The following SAMMSON variants were observed in gnomAD, a reference collection of about 807,000 sequenced individuals.
SAMMSON encodes the protein survival associated mitochondrial melanoma specific oncogenic non-coding RNA, also known as long intergenic non-protein coding RNA 1212.
chr3:70,048,846 C>T (rs1301420000), intron 3 of SAMMSON, among the ~76,000 whole-genome samples: 3 of 151,998 alleles, frequency 2.0e-5, no homozygotes, highest in Non-Finnish European at 4.4e-5. Context: ...ACGGTTAAAC[C>T]CTACATCTAC....
intron 9 of SAMMSON, among the ~76,000 whole-genome samples, chr3:70,366,492 G>GTTTTTTTTTTTTTTT: frequency 1.1e-4 from 11 of 100,762 alleles, no homozygotes; most frequent in Non-Finnish European, 1.8e-4. Flanking sequence ...GTGTTTTTAT[G>GTTTTTTTTTTTTTTT]TTTTTTTTTT....
In SAMMSON at chr3:70,213,989, A is replaced by G. The variant is rs1384662291; in HGVS notation, n.508-35118A>G. Among the ~76,000 whole-genome samples the G allele has an allele frequency of 2.0e-5, 3 of 152,142 alleles. No individual in the cohort carries two copies. The South Asian group carries it at 6.2e-4, about 31-fold the overall frequency. On this transcript the variant is annotated intron_variant and non_coding_transcript_variant, in intron 4 of 9. Coordinates refer to ENST00000642114, the Ensembl canonical transcript of SAMMSON. Reference sequence around the variant, plus strand: ...ACCCAAAGAAGCTATGTTTTCAAGAAAAAATATATTTTCTTCTTTGAAAGC... The same window carrying G: ...ACCCAAAGAAGCTATGTTTTCAAGAGAAAATATATTTTCTTCTTTGAAAGC...
At chr3:70,334,467 G>A (rs183952976) in intron 7 of SAMMSON, among the ~76,000 whole-genome samples, 8 of 152,018 alleles carry the variant, frequency 5.3e-5, no homozygotes, top group African/African-American at 1.7e-4. Context: ...TCAAAATTAT[G>A]TTTCACTAGT....
chr3:70,354,789 G>A (rs941684051), intron 8 of SAMMSON, among the ~76,000 whole-genome samples: 13 of 152,130 alleles, frequency 8.5e-5, no homozygotes, highest in Middle Eastern at 3.2e-3. Flanking sequence ...ATACATTCTC[G>A]GATGCTTTCA....
chr3:70,111,346 T>TAATGATTTATAAA (rs2067388504), intron 4 of SAMMSON, among the ~76,000 whole-genome samples: 2 of 152,190 alleles, frequency 1.3e-5, no homozygotes, highest in Non-Finnish European at 2.9e-5. Context: ...ATACTGGGAA[T>TAATGATTTATAAA]CATCCAGAAT....
chr3:70,078,756 G>A (rs2067257659), intron 4 of SAMMSON, among the ~76,000 whole-genome samples: 1 of 152,136 alleles, frequency 6.6e-6, no homozygotes, highest in Non-Finnish European at 1.5e-5. Context: ...AGGCACCCAT[G>A]GCACAAAACT....
chr3:70,226,920 T>C (rs1250766334), intron 4 of SAMMSON, among the ~76,000 whole-genome samples: 1 of 152,118 alleles, frequency 6.6e-6, no homozygotes, highest in African/African-American at 2.4e-5. Context: ...ATGAAGCTTT[T>C]GATCTTTACC....
At chr3:70,041,289 G>T (rs2067105532) in intron 3 of SAMMSON, among the ~76,000 whole-genome samples, 1 of 152,106 alleles carries the variant, frequency 6.6e-6, no homozygotes. Context: ...TTGCTGGGAA[G>T]TAATATTTTT....
intron 6 of SAMMSON, among the ~76,000 whole-genome samples, chr3:70,251,821 A>C (rs970095517): frequency 6.6e-6 from 1 of 152,228 alleles, no homozygotes; most frequent in African/African-American, 2.4e-5. Context: ...CACCTGATTC[A>C]GATTAGCCAA....
rs560515418 is a variant in SAMMSON, at chr3:70,256,899, C to T, written n.674+7229C>T. 8.9e-4 allele frequency among the ~76,000 whole-genome samples: 135 copies of T among 152,280 alleles called. 1 individual carries two copies. The South Asian group carries it at 0.028, about 31-fold the overall frequency. ...TTCTGTAGATGGATGCTTGGGATTT[C>T]AGCACATGTTCTCACTTCCCTGGGA... On this transcript the variant is annotated intron_variant and non_coding_transcript_variant, in intron 6 of 9. Transcript: ENST00000642114.
At chr3:70,367,112 C>T (rs912177284) in intron 9 of SAMMSON, among the ~76,000 whole-genome samples, 14 of 151,564 alleles carry the variant, frequency 9.2e-5, no homozygotes, top group South Asian at 2.1e-4. Context: ...TGATTAAATC[C>T]GGGTAATTGA....
intron 4 of SAMMSON, among the ~76,000 whole-genome samples, chr3:70,162,884 A>T (rs1195915937): frequency 6.6e-6 from 1 of 151,946 alleles, no homozygotes; most frequent in Non-Finnish European, 1.5e-5. Flanking sequence ...TATCATTATA[A>T]AATGTTCTTC....
At chr3:70,043,732 G>A (rs1241913079) in intron 3 of SAMMSON, among the ~76,000 whole-genome samples, 2 of 152,048 alleles carry the variant, frequency 1.3e-5, no homozygotes, top group Non-Finnish European at 2.9e-5. Flanking sequence ...TCAGTCTTTT[G>A]TGTTGGTTTT....
At chr3:70,019,906 A>G (rs1026069516) in intron 3 of SAMMSON, among the ~76,000 whole-genome samples, 1 of 152,188 alleles carries the variant, frequency 6.6e-6, no homozygotes, top group Non-Finnish European at 1.5e-5. Context: ...CTTATTGGCA[A>G]CTTGGGTAAC....
chr3:70,007,803 C>T (rs1191045491), intron 1 of SAMMSON, among the ~76,000 whole-genome samples: 1 of 151,966 alleles, frequency 6.6e-6, no homozygotes, highest in Admixed American at 6.6e-5. Flanking sequence ...GTCTTTAATC[C>T]ATCTTGAATT....
At chr3:70,161,245 T>C (rs1191284276) in intron 4 of SAMMSON, among the ~76,000 whole-genome samples, 3 of 152,056 alleles carry the variant, frequency 2.0e-5, no homozygotes, top group Non-Finnish European at 4.4e-5. Flanking sequence ...ATTCTTATCC[T>C]GTTCCCAATC....
intron 6 of SAMMSON, among the ~76,000 whole-genome samples, chr3:70,260,442 G>A (rs9834618): frequency 0.011 from 1,745 of 152,100 alleles, 36 homozygotes; most frequent in African/African-American, 0.039. Flanking sequence ...ATGGGGGTTA[G>A]TACCTCAACA....
At chr3:70,296,134 A>C (rs187171684) in intron 7 of SAMMSON, among the ~76,000 whole-genome samples, 78 of 152,298 alleles carry the variant, frequency 5.1e-4, no homozygotes, top group Non-Finnish European at 8.8e-4. Context: ...CTTTTTTATC[A>C]GTACATTTTC....
intron 2 of SAMMSON, among the ~76,000 whole-genome samples, chr3:70,425,429 T>TTATC (rs1166879185): frequency 1.3e-5 from 2 of 151,988 alleles, no homozygotes; most frequent in Admixed American, 6.5e-5. Flanking sequence ...ATTTATTTAT[T>TTATC]GAGTCGGAGT....
Sources: gnomAD v4.1 joint callset for allele counts (sites outside exome capture counted in the v4.1 genomes callset) on GRCh38, gnomAD v4.1.1 for gene constraint, MANE v1.5 for transcripts, NCBI Gene and HGNC (gene_info 2026-07-23, HGNC 2026-07-21) for gene names.